Variants in PACRG observed in about 807,000 individuals in gnomAD.
PACRG encodes the protein parkin coregulated gene protein.
In PACRG, 29 loss-of-function variants were observed where a neutral mutation model predicts 29.7. That is an observed-to-expected ratio of 0.98 (90% CI 0.73 to 1.33). The LOEUF is 1.33. Among genes scored for constraint, PACRG ranks in the 40% most tolerant of loss-of-function variants. PACRG has a pLI of 0.00. For synonymous variants in PACRG, 116 were observed against 118.7 expected (o/e 0.98, Z 0.15); for missense variants, 279 against 316.2 (o/e 0.88, Z 0.89).
intron 2 of PACRG, among the ~76,000 whole-genome samples, chr6:163,025,494 G>T (rs559946142): frequency 6.6e-6 from 1 of 152,258 alleles, no homozygotes; most frequent in East Asian, 1.9e-4. Context: ...CAGTCACCGT[G>T]AAGAAAATGA....
upstream of PACRG, chr6:162,727,706 GC>G (rs746211069): frequency 5.3e-5 from 82 of 1,558,388 alleles, no homozygotes; most frequent in Non-Finnish European, 7.0e-5. Context: ...CCAGGAACAG[GC>G]CCATGCGCGC....
chr6:162,947,611 C>CAT (rs1170513962), intron 2 of PACRG, among the ~76,000 whole-genome samples: 500 of 27,944 alleles, frequency 0.018, 11 homozygotes, highest in African/African-American at 0.027. Context: ...TATATATAAT[C>CAT]ATATATATAT....
At position 163,290,323 on chromosome 6, in the gene PACRG, C is replaced by CACACAG. The variant is rs796997363; in HGVS notation, c.614-24503_614-24502insCACAGA. Among the ~76,000 whole-genome samples the CACACAG allele has an allele frequency of 9.7e-3, 1,441 of 148,810 alleles. 17 individuals are homozygous for CACACAG. Among genetic ancestry groups the CACACAG allele is most frequent in the East Asian group, 0.039 (191 of 4,942 alleles). On this transcript the variant is annotated intron_variant, in intron 4 of 4. Transcript: ENST00000366888. ...ACACACACACACACACACACACACA[C>CACACAG]AGCAATCACTGAGTGACCATCTTAA... is the stretch of plus-strand genomic sequence containing the variant.
At chr6:163,103,982 A>G (rs114128954) in intron 4 of PACRG, among the ~76,000 whole-genome samples, 4 of 152,154 alleles carry the variant, frequency 2.6e-5, no homozygotes, top group African/African-American at 4.8e-5. Context: ...TGTAAATTGG[A>G]TTGCCAGAAA....
chr6:163,041,835 T>C lies in PACRG; in HGVS notation c.292-20315T>C, dbSNP rs532833984. On this transcript the variant is annotated intron_variant, in intron 2 of 4. Transcript: ENST00000366888. ...GTAGCAAATCAAGCACTGCCCTGTC[T>C]TCACAGACATGCAAACATATTCTGT... 3.3e-4 allele frequency among the ~76,000 whole-genome samples: 51 copies of C among 152,316 alleles called. 1 individual carries two copies. The South Asian group carries it at 8.5e-3, about 25-fold the overall frequency.
chr6:163,025,687 C>A (rs531534753), intron 2 of PACRG, among the ~76,000 whole-genome samples: 6 of 152,190 alleles, frequency 3.9e-5, no homozygotes, highest in Non-Finnish European at 7.3e-5. Flanking sequence ...AAGTTTGAAG[C>A]CTTGTCTTTG....
intron 2 of PACRG, among the ~76,000 whole-genome samples, chr6:162,877,393 A>G (rs1203317341): frequency 3.3e-5 from 5 of 152,006 alleles, no homozygotes; most frequent in African/African-American, 1.2e-4. Flanking sequence ...AATGAGAACA[A>G]ATGGATACAG....
At chr6:163,313,915 C>T (rs1447702401) in intron 4 of PACRG, 3 of 152,192 alleles carry the variant, frequency 2.0e-5, no homozygotes, top group Admixed American at 6.5e-5. Flanking sequence ...AATATCTACA[C>T]GCAGAATGGA....
intron 4 of PACRG, among the ~76,000 whole-genome samples, chr6:163,146,989 C>G (rs1402824380): frequency 6.6e-6 from 1 of 152,190 alleles, no homozygotes; most frequent in Non-Finnish European, 1.5e-5. Context: ...CATCCCTTTT[C>G]CATTCTGTTA....
At chr6:162,898,363 C>G (rs139569230) in intron 2 of PACRG, among the ~76,000 whole-genome samples, 2 of 152,122 alleles carry the variant, frequency 1.3e-5, no homozygotes, top group African/African-American at 4.8e-5. Context: ...CGCGCACCAG[C>G]CTTTACACTG....
chr6:162,778,687 A>G (rs1783845059), intron 1 of PACRG, among the ~76,000 whole-genome samples: 1 of 152,194 alleles, frequency 6.6e-6, no homozygotes. Context: ...AACAAAAAGC[A>G]TTTCCTTGCC....
At chr6:163,274,840 T>C (rs1218967658) in intron 4 of PACRG, among the ~76,000 whole-genome samples, 9 of 149,514 alleles carry the variant, frequency 6.0e-5, no homozygotes, top group African/African-American at 2.2e-4. Flanking sequence ...ATGTACTTCT[T>C]TTTCTTTTCT....
At chr6:163,191,878 C>A in intron 4 of PACRG, 2 of 409,792 alleles carry the variant, frequency 4.9e-6, no homozygotes, top group Admixed American at 2.6e-5. Flanking sequence ...TGGTGTCTCA[C>A]ACCCCAAAGC....
chr6:163,149,092 C>T (rs1777957994), intron 4 of PACRG, among the ~76,000 whole-genome samples: 2 of 151,602 alleles, frequency 1.3e-5, no homozygotes, highest in Admixed American at 1.3e-4. Flanking sequence ...CCTGCAGGGC[C>T]GTGGCTGGCT....
At chr6:163,279,369 T>C (rs114544933) in intron 4 of PACRG, among the ~76,000 whole-genome samples, 1,700 of 152,298 alleles carry the variant, frequency 0.011, 33 homozygotes, top group African/African-American at 0.039. Context: ...CTTCCAGTAC[T>C]GTGTTGAATA....
chr6:163,270,415 A>C (rs1783781545), intron 4 of PACRG, among the ~76,000 whole-genome samples: 1 of 152,176 alleles, frequency 6.6e-6, no homozygotes, highest in Admixed American at 6.5e-5. Context: ...TTGGTTGCCA[A>C]GCTGGAGTGC....
chr6:163,092,753 C>T (rs913623193), intron 4 of PACRG, among the ~76,000 whole-genome samples: 3 of 152,004 alleles, frequency 2.0e-5, no homozygotes, highest in East Asian at 1.9e-4. Flanking sequence ...TGTCCATGAC[C>T]GGGTATTAAT....
intron 2 of PACRG, among the ~76,000 whole-genome samples, chr6:163,009,365 T>C (rs912347000): frequency 6.6e-6 from 1 of 152,162 alleles, no homozygotes; most frequent in African/African-American, 2.4e-5. Flanking sequence ...AAAATAAAAA[T>C]ATGCCATATT....
At chr6:162,755,212 G>A (rs966141016) in intron 1 of PACRG, among the ~76,000 whole-genome samples, 9 of 151,802 alleles carry the variant, frequency 5.9e-5, no homozygotes, top group Non-Finnish European at 2.9e-5. Flanking sequence ...CTAAGGGTTT[G>A]TCAATTTTGT....
Sources: allele counts gnomAD v4.1 joint callset (sites outside exome capture counted in the v4.1 genomes callset), GRCh38; gene constraint gnomAD v4.1.1; transcripts MANE v1.5; gene names NCBI Gene and HGNC (gene_info 2026-07-23, HGNC 2026-07-21).